FANK1: variants seen among roughly 807,000 people sequenced by gnomAD.
The protein encoded by FANK1 is fibronectin type 3 and ankyrin repeat domains protein 1.
In FANK1, 44 loss-of-function variants were observed where a neutral mutation model predicts 45.3. The ratio of observed to expected loss-of-function variants is 0.97; its 90% CI spans 0.76 to 1.25. The LOEUF is 1.25. Among genes scored for constraint, FANK1 ranks in the 50% most tolerant of loss-of-function variants. The pLI, the probability that FANK1 is intolerant of heterozygous loss-of-function variation, is 0.00. For missense variants in FANK1, 391 were observed against 424.4 expected (o/e 0.92, Z 0.69); for synonymous variants, 149 against 152.5 (o/e 0.98, Z 0.17).
In FANK1 at chr10:125,970,851, C is replaced by G. The variant is rs143578646; in HGVS notation, c.14-9310C>G. 5.1e-4 allele frequency among the ~76,000 whole-genome samples: 77 copies of G among 151,932 alleles called. 1 individual carries two copies. In the East Asian group the frequency reaches 0.015, roughly 29 times the overall value. Reference sequence around the variant, plus strand: ...GGGGAAGACCGTGGAAAGCAGGAGACGGGAGAGGGAGAGGGAGAGCTTGAG... The same window carrying G: ...GGGGAAGACCGTGGAAAGCAGGAGAGGGGAGAGGGAGAGGGAGAGCTTGAG... On this transcript the variant is annotated intron_variant, in intron 1 of 10. Transcript: ENST00000368693.
At chr10:125,989,447 G>C (rs1309203923) in intron 3 of FANK1, 1 of 1,256,022 alleles carries the variant, frequency 8.0e-7, no homozygotes, top group African/African-American at 1.5e-5. Flanking sequence ...TTGGCTTGGA[G>C]GTATGTGCTT....
At chr10:125,968,778 T>C (rs1950320111) in intron 1 of FANK1, among the ~76,000 whole-genome samples, 1 of 152,202 alleles carries the variant, frequency 6.6e-6, no homozygotes, top group Admixed American at 6.5e-5. Context: ...TGTGTAGTGG[T>C]TTACATAAAT....
chr10:125,934,724 GTTTTTTTTTTTTTTT>G (rs145182884), intron 1 of FANK1, among the ~76,000 whole-genome samples: 9 of 26,456 alleles, frequency 3.4e-4, no homozygotes, highest in African/African-American at 8.8e-4. Context: ...TACCCCTACC[GTTTTTTTTTTTTTTT>G]TTTTTTTTTT....
At chr10:125,999,292 C>T (rs556706897) in intron 6 of FANK1, among the ~76,000 whole-genome samples, 8 of 151,038 alleles carry the variant, frequency 5.3e-5, no homozygotes, top group Non-Finnish European at 7.4e-5. Flanking sequence ...CTCTGCCTCC[C>T]GGGTTCACGC....
chr10:125,997,951 G>C (rs1311584642), intron 6 of FANK1, among the ~76,000 whole-genome samples: 1 of 152,234 alleles, frequency 6.6e-6, no homozygotes, highest in African/African-American at 2.4e-5. Flanking sequence ...ACTTTCCTGA[G>C]GTGAGAGGCA....
At chr10:125,951,182 A>G (rs1949196813) in intron 1 of FANK1, among the ~76,000 whole-genome samples, 1 of 151,266 alleles carries the variant, frequency 6.6e-6, no homozygotes, top group African/African-American at 2.4e-5. Flanking sequence ...AGCATGGCAC[A>G]TGTATACATA....
At chr10:125,974,298 C>T (rs1420327347) in intron 1 of FANK1, among the ~76,000 whole-genome samples, 1 of 152,194 alleles carries the variant, frequency 6.6e-6, no homozygotes, top group East Asian at 1.9e-4. Flanking sequence ...GCCCTGTCTT[C>T]GTCAGTGGGT....
chr10:125,970,057 T>C (rs911334395), intron 1 of FANK1, among the ~76,000 whole-genome samples: 8 of 152,210 alleles, frequency 5.3e-5, no homozygotes, highest in Non-Finnish European at 1.2e-4. Context: ...ATCTGATCTC[T>C]CTTTCTTTTC....
chr10:125,915,041 A>G (rs1946339274), intron 1 of FANK1, among the ~76,000 whole-genome samples: 1 of 152,184 alleles, frequency 6.6e-6, no homozygotes, highest in South Asian at 2.1e-4. Context: ...AGTGATGTGT[A>G]TTAACCTAGG....
intron 1 of FANK1, among the ~76,000 whole-genome samples, chr10:125,939,089 G>C (rs1336777894): frequency 6.6e-6 from 1 of 152,056 alleles, no homozygotes; most frequent in Non-Finnish European, 1.5e-5. Flanking sequence ...TGTTTAATTT[G>C]AATATAATTA....
chr10:125,911,228 A>T (rs1292156039), intron 1 of FANK1, among the ~76,000 whole-genome samples: 1 of 152,116 alleles, frequency 6.6e-6, no homozygotes, highest in South Asian at 2.1e-4. Context: ...AGGCAATACG[A>T]AGATGGAAGT....
intron 1 of FANK1, among the ~76,000 whole-genome samples, chr10:125,905,141 A>C (rs1015714600): frequency 1.4e-4 from 15 of 106,844 alleles, no homozygotes; most frequent in East Asian, 1.2e-3. Context: ...AAAAAAAAAA[A>C]AAAAAAAAAC....
intron 5 of FANK1, among the ~76,000 whole-genome samples, chr10:125,996,972 G>A (rs549056472): frequency 3.3e-5 from 5 of 151,854 alleles, no homozygotes; most frequent in Non-Finnish European, 4.4e-5. Context: ...AGGTTGCTAA[G>A]TTATAATTTT....
At chr10:125,961,095 C>G (rs1226634655) in intron 1 of FANK1, among the ~76,000 whole-genome samples, 1 of 152,092 alleles carries the variant, frequency 6.6e-6, no homozygotes, top group East Asian at 1.9e-4. Context: ...CGTCTACAGC[C>G]AACTGCTTTT....
At chr10:125,970,900 T>G (rs1270028750) in intron 1 of FANK1, among the ~76,000 whole-genome samples, 3 of 152,012 alleles carry the variant, frequency 2.0e-5, no homozygotes, top group Non-Finnish European at 4.4e-5. Flanking sequence ...AAATGTTGAT[T>G]TTTGTCACCT....
chr10:125,939,461 A>G (rs930991238), intron 1 of FANK1, among the ~76,000 whole-genome samples: 1 of 152,218 alleles, frequency 6.6e-6, no homozygotes, highest in East Asian at 1.9e-4. Flanking sequence ...GGTTCTGTGA[A>G]AAATAAAAGT....
At chr10:125,990,460 G>A (rs1163506903) in intron 3 of FANK1, among the ~76,000 whole-genome samples, 1 of 152,232 alleles carries the variant, frequency 6.6e-6, no homozygotes, top group Admixed American at 6.5e-5. Context: ...AGAATTAAGA[G>A]TATGAAAAGA....
At chr10:125,981,339 C>T (rs1242157628) in intron 2 of FANK1, among the ~76,000 whole-genome samples, 1 of 152,032 alleles carries the variant, frequency 6.6e-6, no homozygotes, top group African/African-American at 2.4e-5. Flanking sequence ...GAAATCCCAT[C>T]TCTACAAAAA....
chr10:125,994,426 A>T, intron 3 of FANK1: 1 of 985,200 alleles, frequency 1.0e-6, no homozygotes, highest in Non-Finnish European at 1.2e-6. Context: ...TAGACCAGGG[A>T]TTATAAACTC....
Sources: gnomAD v4.1 joint callset for allele counts (sites outside exome capture counted in the v4.1 genomes callset) on GRCh38, gnomAD v4.1.1 for gene constraint, MANE v1.5 for transcripts, NCBI Gene and HGNC (gene_info 2026-07-23, HGNC 2026-07-21) for gene names.